NUP153: variants seen among roughly 807,000 people sequenced by gnomAD.
The protein encoded by NUP153 is nucleoporin 153.
NUP153 carries 27 observed loss-of-function variants against 134.6 expected under a neutral mutation model. The observed-to-expected ratio is 0.20, with a 90% CI of 0.15 to 0.28. The LOEUF (loss-of-function observed/expected upper bound fraction) is 0.28. Among genes scored for constraint, NUP153 ranks in the 10% least tolerant of loss-of-function variants. The pLI is 1.00. For synonymous variants in NUP153, 640 were observed against 623.5 expected (o/e 1.03, Z -0.40); for missense variants, 1,821 against 1,731.3 (o/e 1.05, Z -0.92).
chr6:17,649,731 C>T (rs1186619178), intron 11 of NUP153, among the ~76,000 whole-genome samples: 2 of 152,138 alleles, frequency 1.3e-5, no homozygotes, highest in African/African-American at 2.4e-5. Context: ...ACCTTTATTA[C>T]ATTATAGTGT....
intron 11 of NUP153, among the ~76,000 whole-genome samples, chr6:17,654,835 T>C (rs1271077090): frequency 3.9e-5 from 6 of 152,098 alleles, no homozygotes; most frequent in Admixed American, 2.6e-4. Flanking sequence ...GTAGATACTA[T>C]TGTTACATAT....
At chr6:17,682,723 C>T (rs1768665539) in intron 2 of NUP153, among the ~76,000 whole-genome samples, 1 of 151,956 alleles carries the variant, frequency 6.6e-6, no homozygotes, top group Non-Finnish European at 1.5e-5. Flanking sequence ...TCGAGACCAT[C>T]CTTGCCAACA....
At chr6:17,661,612 T>G in intron 11 of NUP153, 41 bp downstream of exon 11, 1 of 1,582,440 alleles carries the variant, frequency 6.3e-7, no homozygotes, top group East Asian at 2.3e-5. Flanking sequence ...CACCAATGCT[T>G]TTTAAATAAA....
intron 2 of NUP153, among the ~76,000 whole-genome samples, chr6:17,676,227 G>T (rs1297007097): frequency 6.6e-6 from 1 of 152,124 alleles, no homozygotes; most frequent in Non-Finnish European, 1.5e-5. Flanking sequence ...AGTAAAGAAA[G>T]GATTCGGCTT....
intron 2 of NUP153, among the ~76,000 whole-genome samples, chr6:17,685,352 C>T (rs1394193346): frequency 1.3e-5 from 2 of 152,066 alleles, no homozygotes; most frequent in Admixed American, 6.5e-5. Context: ...TCAAAACCAT[C>T]CTGGCTAACA....
At chr6:17,702,590 A>G (rs575630389) in intron 1 of NUP153, among the ~76,000 whole-genome samples, 30 of 150,984 alleles carry the variant, frequency 2.0e-4, no homozygotes, top group Non-Finnish European at 3.3e-4. Flanking sequence ...GCAGGAGAAT[A>G]GCTTGAACCC....
rs1367446180 is a variant in NUP153, at chr6:17,637,785, G to A, written c.1847-15C>T. 3.2e-6 allele frequency: 5 copies of A among 1,581,690 alleles called. No homozygotes were observed. The highest frequency in any genetic ancestry group is 4.3e-6 in the Non-Finnish European group (5 of 1,170,396). On this transcript the variant is annotated splice_polypyrimidine_tract_variant and intron_variant, in intron 15 of 21. Transcript: ENST00000262077. ...CGATGCGAAACCTACAATGAACGAAGGAGAGAGTGCAACGTTAGAGAAGCT... is the reference window on the plus strand; with the variant it reads ...CGATGCGAAACCTACAATGAACGAAAGAGAGAGTGCAACGTTAGAGAAGCT...
At chr6:17,652,674 T>G (rs943352326) in intron 11 of NUP153, among the ~76,000 whole-genome samples, 12 of 152,134 alleles carry the variant, frequency 7.9e-5, no homozygotes, top group African/African-American at 1.7e-4. Context: ...TGTTAAGAAA[T>G]GTATCTGACA....
intron 16 of NUP153, 109 bp downstream of exon 16, chr6:17,637,044 T>C (rs1765583494): frequency 9.3e-7 from 1 of 1,076,412 alleles, no homozygotes; most frequent in Non-Finnish European, 1.3e-6. Flanking sequence ...AAAATTAATA[T>C]GTATGAGAAA....
chr6:17,624,914 C>T, intron 19 of NUP153, 81 bp from the exon 20 acceptor site: 2 of 1,367,508 alleles, frequency 1.5e-6, no homozygotes, highest in Non-Finnish European at 2.0e-6. Flanking sequence ...AACCCACAAG[C>T]AAATGTCAAG....
At chr6:17,683,170 A>ACCT (rs1418876254) in intron 2 of NUP153, among the ~76,000 whole-genome samples, 1 of 151,688 alleles carries the variant, frequency 6.6e-6, no homozygotes, top group African/African-American at 2.4e-5. Context: ...CAATATTTGG[A>ACCT]CCTCCTCCTG....
Position 17,628,801 on chromosome 6 carries a change from A to G in NUP153, c.3398T>C (p.Phe1133Ser). ...DNEEPKCQPV[F>S]SFGNSEQTKD... Reference sequence around the variant, plus strand: ...GGTTTGCTCTGAATTCCCAAAGGAAAACACTGGTTGACACTTTGGCTCTTC... The same window carrying G: ...GGTTTGCTCTGAATTCCCAAAGGAAGACACTGGTTGACACTTTGGCTCTTC... Residue 1133 changes from phenylalanine (F) to serine (S), a missense_variant, in exon 18 of 22, where the codon TTT becomes TCT. Coordinates refer to ENST00000262077, the MANE Select transcript of NUP153 (RefSeq NM_005124.4). The surrounding 1 kb of genome is among the most constrained non-coding windows in gnomAD (Gnocchi z 5.4). 1 of 1,614,150 alleles carries G rather than the reference A, an allele frequency of 6.2e-7. No individual in the cohort carries two copies. Among genetic ancestry groups the G allele is most frequent in the East Asian group, 2.2e-5 (1 of 44,888 alleles).
At position 17,638,391 on chromosome 6, in the gene NUP153, ATC is replaced by A. The variant is rs1299226175; in HGVS notation, c.1847-623_1847-622del. On this transcript the variant is annotated intron_variant, in intron 15 of 21. Transcript: ENST00000262077. The surrounding 1 kb of genome is among the most constrained non-coding windows in gnomAD (Gnocchi z 4.0). ...CTTACACACAACACCACCATCTGTG[ATC>A]TGTTTCTCCAGCCTTACCCGCCAAA... Among the ~76,000 whole-genome samples the A allele has an allele frequency of 1.3e-5, 2 of 152,212 alleles. No homozygotes were observed. Among genetic ancestry groups the A allele is most frequent in the Non-Finnish European group, 2.9e-5 (2 of 68,034 alleles).
rs6919027 is a variant in NUP153 at position 17,696,943 on chromosome 6, C to T, written c.112-8325G>A. Reference sequence around the variant, plus strand: ...CAAAAATTAGCTGGCAGGTGGTGTCCGCCTGTAATCCCAGCTACCCAGGAG... The same window carrying T: ...CAAAAATTAGCTGGCAGGTGGTGTCTGCCTGTAATCCCAGCTACCCAGGAG... On this transcript the variant is annotated intron_variant, in intron 1 of 21. Transcript: ENST00000262077. Among the ~76,000 whole-genome samples the T allele has an allele frequency of 5.9e-3, 883 of 150,686 alleles. 3 individuals carry two copies. Among genetic ancestry groups the T allele is most frequent in the African/African-American group, 0.019 (794 of 40,946 alleles).
In NUP153 at chr6:17,629,419, C is replaced by T. The variant is rs777043203; in HGVS notation, c.2780G>A (p.Gly927Glu). Residue 927 changes from glycine (G) to glutamate (E), a missense_variant, in exon 18 of 22, where the codon GGA (glycine) becomes GAA (glutamate). Physicochemically the swap from Gly to Glu is moderately conservative, Grantham distance 98. Transcript: ENST00000262077. Reference protein sequence around the residue: ...TLTSTGNFKFGDQGGFKIGVS... With the variant: ...TLTSTGNFKFEDQGGFKIGVS... ...ACCTATTTTGAATCCTCCCTGATCTCCAAATTTAAAATTTCCAGTGCTTGT... is the reference window on the plus strand; with the variant it reads ...ACCTATTTTGAATCCTCCCTGATCTTCAAATTTAAAATTTCCAGTGCTTGT... 3.7e-6 allele frequency: 6 copies of T among 1,614,062 alleles called. No individual in the cohort carries two copies. Among genetic ancestry groups the T allele is most frequent in the Middle Eastern group, 3.3e-4 (2 of 6,062 alleles).
chr6:17,637,570 C>G lies in NUP153; in HGVS notation c.2047G>C (p.Ala683Pro), dbSNP rs1419287078. 1.2e-6 allele frequency: 2 copies of G among 1,614,154 alleles called. No homozygotes were observed. Among genetic ancestry groups the G allele is most frequent in the Admixed American group, 3.3e-5 (2 of 60,012 alleles). ...VTDNKCIACQ[A>P]AKLSPRDTAK... ...GTATCTCTGGGTGACAATTTTGCTG[C>G]TTGACAGGCTATGCATTTGTTGTCT... The change falls in exon 16 of 22, where the codon GCA becomes CCA. Residue 683 changes from alanine (A) to proline (P), a missense_variant. By Grantham distance (27) the Ala-to-Pro change is conservative. Coordinates refer to ENST00000262077, the MANE Select transcript of NUP153 (RefSeq NM_005124.4).
At chr6:17,671,573 T>G (rs1057482879) in intron 5 of NUP153, among the ~76,000 whole-genome samples, 1 of 152,244 alleles carries the variant, frequency 6.6e-6, no homozygotes, top group Non-Finnish European at 1.5e-5. Context: ...GTTCGAGATC[T>G]GTATGCTGAA....
intron 1 of NUP153, among the ~76,000 whole-genome samples, chr6:17,701,711 GTAATCCCAGCTACT>G: frequency 6.6e-6 from 1 of 151,278 alleles, no homozygotes; most frequent in African/African-American, 2.4e-5. Flanking sequence ...GCCTGCGCCT[GTAATCCCAGCTACT>G]CAAGAGCTGA....
At chr6:17,635,468 C>T (rs1017716717) in intron 16 of NUP153, among the ~76,000 whole-genome samples, 4 of 152,152 alleles carry the variant, frequency 2.6e-5, no homozygotes, top group South Asian at 2.1e-4. Context: ...GTAGCATGAT[C>T]TCAGGTAACT....
Sources: allele counts gnomAD v4.1 joint callset (sites outside exome capture counted in the v4.1 genomes callset), GRCh38; gene constraint gnomAD v4.1.1; non-coding constraint Gnocchi (gnomAD v3.1); transcripts MANE v1.5; gene names NCBI Gene and HGNC (gene_info 2026-07-23, HGNC 2026-07-21).